The following MCC variants were observed in gnomAD, a reference collection of about 807,000 sequenced individuals.
The protein encoded by MCC is colorectal mutant cancer protein.
In MCC, 90 loss-of-function variants were observed where a neutral mutation model predicts 116.2. That is an observed-to-expected ratio of 0.77 (90% CI 0.65 to 0.92). The LOEUF (loss-of-function observed/expected upper bound fraction) is 0.92, where lower values mean the gene tolerates loss of function less well. Ranked by LOEUF, MCC falls within the 40% of genes least tolerant of loss-of-function variation. The probability of loss-of-function intolerance (pLI) is 0.00; values close to 1 mark genes in which losing one functional copy is unlikely to be tolerated. For missense variants in MCC, 1,516 were observed against 1,312.2 expected, an observed-to-expected ratio of 1.16 and a Z score of -2.40; for synonymous variants, 578 against 510.5, an observed-to-expected ratio of 1.13 and a Z score of -1.78.
intron 11 of MCC, among the ~76,000 whole-genome samples, chr5:113,075,686 G>A (rs1348154978): frequency 6.6e-6 from 1 of 152,172 alleles, no homozygotes; most frequent in African/African-American, 2.4e-5. Context: ...AGCAGGATGT[G>A]GGTGGGACGA....
At chr5:113,365,424 C>T (rs1016535274) in intron 2 of MCC, among the ~76,000 whole-genome samples, 1 of 152,190 alleles carries the variant, frequency 6.6e-6, no homozygotes, top group Non-Finnish European at 1.5e-5. Flanking sequence ...TTACCCTGGA[C>T]TTGATTATCA....
intron 8 of MCC, among the ~76,000 whole-genome samples, chr5:113,085,724 C>T (rs2150244959): frequency 6.6e-6 from 1 of 152,232 alleles, no homozygotes; most frequent in Middle Eastern, 3.4e-3. Context: ...CAGGGTCTTG[C>T]TCTGCTGCCC....
intron 3 of MCC, among the ~76,000 whole-genome samples, chr5:113,213,673 G>A (rs2150324877): frequency 6.6e-6 from 1 of 152,296 alleles, no homozygotes; most frequent in East Asian, 1.9e-4. Flanking sequence ...TCAGTACTGA[G>A]AGTGGTGGGC....
At chr5:113,388,438 G>A (rs1035250179) in intron 1 of MCC, among the ~76,000 whole-genome samples, 1 of 152,132 alleles carries the variant, frequency 6.6e-6, no homozygotes, top group Non-Finnish European at 1.5e-5. Flanking sequence ...CAATGTTGGA[G>A]GTGGGGCCTG....
At chr5:113,275,265 A>T (rs1765780245) in intron 3 of MCC, among the ~76,000 whole-genome samples, 1 of 152,242 alleles carries the variant, frequency 6.6e-6, no homozygotes, top group African/African-American at 2.4e-5. Flanking sequence ...CAGTTTGCCA[A>T]ACCAGTAGGT....
chr5:113,282,259 C>T (rs1766075185), intron 3 of MCC, among the ~76,000 whole-genome samples: 2 of 152,120 alleles, frequency 1.3e-5, no homozygotes, highest in African/African-American at 2.4e-5. Flanking sequence ...GTATCCTGAC[C>T]CCAATATGTC....
chr5:113,394,900 C>T (rs114126703), intron 1 of MCC, among the ~76,000 whole-genome samples: 2,705 of 152,314 alleles, frequency 0.018, 36 homozygotes, highest in Non-Finnish European at 0.027. Context: ...TGGAACAGAG[C>T]ATGCCCATTT....
chr5:113,306,427 T>C (rs537490944), intron 3 of MCC, among the ~76,000 whole-genome samples: 10 of 152,262 alleles, frequency 6.6e-5, no homozygotes, highest in African/African-American at 2.4e-4. Flanking sequence ...ACACTTACTG[T>C]CTTTATTCTT....
intron 3 of MCC, among the ~76,000 whole-genome samples, chr5:113,257,399 G>A (rs985950103): frequency 6.6e-6 from 1 of 152,116 alleles, no homozygotes; most frequent in Admixed American, 6.6e-5. Context: ...AGCAACAGGA[G>A]ACAGGAAGGA....
chr5:113,060,182 G>C (rs553662221), intron 14 of MCC, among the ~76,000 whole-genome samples: 1 of 152,106 alleles, frequency 6.6e-6, no homozygotes, highest in African/African-American at 2.4e-5. Flanking sequence ...TTGAGACAGA[G>C]TCTCACTCTG....
At chr5:113,461,222 C>G (rs1414388458) in intron 1 of MCC, among the ~76,000 whole-genome samples, 1 of 152,118 alleles carries the variant, frequency 6.6e-6, no homozygotes, top group East Asian at 1.9e-4. Flanking sequence ...GATCATGTCA[C>G]TGTACTCAAG....
At chr5:113,030,645 T>TTGGGTGCAGTGAGTGAGAC (rs1295326491) in intron 17 of MCC, among the ~76,000 whole-genome samples, 1 of 152,152 alleles carries the variant, frequency 6.6e-6, no homozygotes, top group Non-Finnish European at 1.5e-5. Context: ...GCCACTGCAC[T>TTGGGTGCAGTGAGTGAGAC]CCAGCTTGGG....
chr5:113,027,278 A>C lies in MCC; in HGVS notation c.*24T>G, dbSNP rs749813767. On this transcript the variant is annotated 3_prime_UTR_variant, in exon 19 of 19. Coordinates refer to ENST00000408903, the MANE Select transcript of MCC (RefSeq NM_001085377.2). ...CTGCTGCAGTTTACTTCCCATGGGCAGAACTCCGGTGCGTGAGTGCTGATT... is the reference window on the plus strand; with the variant it reads ...CTGCTGCAGTTTACTTCCCATGGGCCGAACTCCGGTGCGTGAGTGCTGATT... 1 of 1,611,654 alleles carries C rather than the reference A, an allele frequency of 6.2e-7. No individual in the cohort carries two copies. Among genetic ancestry groups the C allele is most frequent in the South Asian group, 1.1e-5 (1 of 90,768 alleles).
At chr5:113,056,887 T>G (rs4705761) in intron 14 of MCC, among the ~76,000 whole-genome samples, 148,900 of 152,264 alleles carry the variant, frequency 0.98, 72,814 homozygotes, top group East Asian at 1. Context: ...TCTAATAGAG[T>G]AGGCCAGGAA....
intron 1 of MCC, among the ~76,000 whole-genome samples, chr5:113,410,641 G>A (rs1180795381): frequency 6.6e-6 from 1 of 152,124 alleles, no homozygotes; most frequent in East Asian, 1.9e-4. Flanking sequence ...TTTAAGTTAT[G>A]AGGTACATGT....
chr5:113,243,683 C>A (rs193227305), intron 3 of MCC, among the ~76,000 whole-genome samples: 1 of 150,950 alleles, frequency 6.6e-6, no homozygotes, highest in African/African-American at 2.4e-5. Flanking sequence ...ATCCTTCTTT[C>A]TGTTTAAAAC....
rs1329113805 is a variant in MCC at position 113,355,002 on chromosome 5, T to C, written c.416-14272A>G. On this transcript the variant is annotated intron_variant, in intron 2 of 18. Transcript: ENST00000408903. ...TATACACATATATATGATATAGATA[T>C]GTGTATGCAGATGCATATATTCCAG... 2.0e-5 allele frequency among the ~76,000 whole-genome samples: 3 copies of C among 152,202 alleles called. No individual in the cohort carries two copies. The East Asian group carries it at 5.8e-4, about 29-fold the overall frequency.
At chr5:113,437,866 C>A (rs1770907480) in intron 1 of MCC, among the ~76,000 whole-genome samples, 1 of 152,112 alleles carries the variant, frequency 6.6e-6, no homozygotes, top group Non-Finnish European at 1.5e-5. Flanking sequence ...ATATGCTGTA[C>A]AGGGAATTTT....
intron 1 of MCC, chr5:113,448,407 C>T (rs1449671613): frequency 6.6e-6 from 1 of 151,090 alleles, no homozygotes; most frequent in African/African-American, 2.4e-5. Context: ...CCAGGGTAAA[C>T]ACTTTGTTTA....
Sources: allele counts gnomAD v4.1 joint callset (sites outside exome capture counted in the v4.1 genomes callset), GRCh38; gene constraint gnomAD v4.1.1; transcripts MANE v1.5; gene names NCBI Gene and HGNC (gene_info 2026-07-23, HGNC 2026-07-21).